AARS2: variants seen among roughly 807,000 people sequenced by gnomAD.
AARS2 encodes the protein alanine--tRNA ligase, mitochondrial.
Under a neutral mutation model 119.7 loss-of-function variants are expected in AARS2, and 78 were observed. That is an observed-to-expected ratio of 0.65 (90% CI 0.54 to 0.79). AARS2 has a LOEUF of 0.79. AARS2 is among the 30% of genes least tolerant of loss of function. The pLI, the probability that AARS2 is intolerant of heterozygous loss-of-function variation, is 0.00. For missense variants in AARS2, 1,157 were observed against 1,291.3 expected, an observed-to-expected ratio of 0.90 and a Z score of 1.59; for synonymous variants, 502 against 526.3, an observed-to-expected ratio of 0.95 and a Z score of 0.63.
Position 44,305,138 on chromosome 6 carries a change from G to A in AARS2, c.1495C>T (p.Leu499Phe), listed in dbSNP as rs1226959180. ...ACTCCTTGGCGCTGCAGCTCCCCAAGCGCATGGACATCAAGCCACAATCCC... is the reference window on the plus strand; with the variant it reads ...ACTCCTTGGCGCTGCAGCTCCCCAAACGCATGGACATCAAGCCACAATCCC... ...KQGLWLDVHA[L>F]GELQRQGVPP... Residue 499 changes from leucine (L) to phenylalanine (F), a missense_variant, in exon 11 of 22, where the codon CTT becomes TTT. Physicochemically the swap from Leu to Phe is conservative, Grantham distance 22 (BLOSUM62 0). Transcript: ENST00000244571. The surrounding 1 kb of genome is among the most constrained non-coding windows in gnomAD (Gnocchi z 4.6). The A allele has an allele frequency of 1.2e-6, 2 of 1,613,876 alleles. No homozygotes were observed. The highest frequency in any genetic ancestry group is 2.2e-5 in the South Asian group (2 of 91,080).
At chr6:44,304,599 G>A in intron 12 of AARS2, 46 bp downstream of exon 12, 2 of 1,614,146 alleles carry the variant, frequency 1.2e-6, no homozygotes, top group Non-Finnish European at 1.7e-6. Context: ...CTCAGGCTTG[G>A]GTCTGCCGCC....
chr6:44,306,817 G>C lies in AARS2; in HGVS notation c.1149+106C>G, dbSNP rs1341914685. The C allele has an allele frequency of 2.8e-6, 3 of 1,052,992 alleles. No homozygotes were observed. The African/African-American group carries it at 4.7e-5, about 17-fold the overall frequency. The allele number at this position is 1,052,992 out of a possible 1,614,324, so 65.2% of individuals were successfully genotyped here. A position where few individuals can be genotyped will look rare whatever the true frequency, so the allele number is the denominator to read the frequency against. The stretch of plus-strand genomic sequence containing the variant: ...ATAGGATGCTGGGCTCGATATTTAG[G>C]GTGGGGACCTCTGGGCACCCAGGCT... On this transcript the variant is annotated intron_variant, in intron 7 of 21. Coordinates refer to ENST00000244571, the MANE Select transcript of AARS2 (RefSeq NM_020745.4).
intron 14 of AARS2, 131 bp from the exon 15 acceptor site, chr6:44,303,554 G>A: frequency 7.2e-7 from 1 of 1,388,816 alleles, no homozygotes; most frequent in African/African-American, 1.4e-5. Context: ...CACATAATAG[G>A]TGCTCAATAA....
chr6:44,302,622 A>G (rs1416920473), intron 17 of AARS2, 109 bp from the exon 18 acceptor site: 1 of 1,573,642 alleles, frequency 6.4e-7, no homozygotes, highest in Non-Finnish European at 8.7e-7. Flanking sequence ...AGGACCAATC[A>G]AGGCACCAGC....
Position 44,307,218 on chromosome 6 carries a change from C to A in AARS2, c.1040+31G>T. 6.2e-7 allele frequency: 1 copy of A among 1,613,776 alleles called. No homozygotes were observed. The highest frequency in any genetic ancestry group is 1.1e-5 in the South Asian group (1 of 91,032). ...CCTCCACCTGAGACCCCCAGCAGCC[C>A]CTGTCCTCTCTGTAGCCCTTCCAGA... On this transcript the variant is annotated intron_variant, in intron 6 of 21. Coordinates refer to ENST00000244571, the MANE Select transcript of AARS2 (RefSeq NM_020745.4). This position sits in a 1 kb window ranked among gnomAD's most constrained non-coding sequence, Gnocchi z 4.4.
Position 44,312,274 on chromosome 6 carries a change from A to C in AARS2, c.244-11T>G. On this transcript the variant is annotated splice_polypyrimidine_tract_variant and intron_variant, in intron 1 of 21. Coordinates refer to ENST00000244571, the MANE Select transcript of AARS2 (RefSeq NM_020745.4). ...AAAGATTGGCTTGAACTGGAAGCAC[A>C]TAGAGTGGGGAGGGGGAGAGGGATA... 1 of 1,613,066 alleles carries C rather than the reference A, an allele frequency of 6.2e-7. No homozygotes were observed. Among genetic ancestry groups the C allele is most frequent in the Non-Finnish European group, 8.5e-7 (1 of 1,179,120 alleles).
At chr6:44,310,526 G>T (rs1483171635) in intron 4 of AARS2, 83 bp from the exon 5 acceptor site, 7 of 1,572,836 alleles carry the variant, frequency 4.5e-6, no homozygotes, top group Non-Finnish European at 6.1e-6. Flanking sequence ...AGAGAAATGG[G>T]GGGGGGCCCA....
chr6:44,303,398 C>T lies in AARS2; in HGVS notation c.2033G>A (p.Arg678Gln), dbSNP rs150973108. The T allele has an allele frequency of 6.6e-4, 1,067 of 1,613,950 alleles. 7 individuals carry two copies. The African/African-American group carries it at 0.011, about 17-fold the overall frequency. ...CTCCTGCACAGTGTTCTCCACTGCCCGGAGCTGCTCTGGGGTCAATGGGGT... is the reference window on the plus strand; with the variant it reads ...CTCCTGCACAGTGTTCTCCACTGCCTGGAGCTGCTCTGGGGTCAATGGGGT... ...TQTPLTPEQL[R>Q]AVENTVQEAV... Residue 678 changes from arginine to glutamine, a missense_variant, in exon 15 of 22, where the codon CGG becomes CAG. By Grantham distance (43) the Arg-to-Gln change is conservative. Coordinates refer to ENST00000244571, the MANE Select transcript of AARS2 (RefSeq NM_020745.4).
At chr6:44,301,609 G>A in intron 19 of AARS2, 145 bp from the exon 20 acceptor site, 2 of 804,284 alleles carry the variant, frequency 2.5e-6, no homozygotes, top group East Asian at 5.3e-5. Flanking sequence ...AGAGGTGGCA[G>A]GGACTCTGCC....
rs1785798369 is a variant in AARS2, at chr6:44,305,851, T to G, written c.1301-65A>C. 6.3e-7 allele frequency: 1 copy of G among 1,599,616 alleles called. No individual in the cohort carries two copies. Among genetic ancestry groups the G allele is most frequent in the Admixed American group, 1.7e-5 (1 of 59,854 alleles). ...GATTAGACAAAGAAGGGGAGAAAAA[T>G]AAGGTCCAGGGCCCTTCTAACCACG... On this transcript the variant is annotated intron_variant, in intron 9 of 21. Coordinates refer to ENST00000244571, the MANE Select transcript of AARS2 (RefSeq NM_020745.4). This position sits in a 1 kb window ranked among gnomAD's most constrained non-coding sequence, Gnocchi z 4.6.
chr6:44,302,446 C>T lies in AARS2; in HGVS notation c.2432G>A (p.Ser811Asn), dbSNP rs550871520. 1 of 1,614,174 alleles carries T rather than the reference C, an allele frequency of 6.2e-7. No individual in the cohort carries two copies. The highest frequency in any genetic ancestry group is 1.3e-5 in the African/African-American group (1 of 75,050). Residue 811 changes from serine to asparagine, a missense_variant, in exon 18 of 22, where the codon AGC becomes AAC. By Grantham distance (46) the Ser-to-Asn change is conservative. Coordinates refer to ENST00000244571, the MANE Select transcript of AARS2 (RefSeq NM_020745.4). Reference protein sequence around the residue: ...KAATERLSLGSRDVAEALRLS... With the variant: ...KAATERLSLGNRDVAEALRLS... ...CCTCAGTGCCTCCGCCACATCCCGG[C>T]TCCCCAGACTCAGCCGCTCAGTGGC...
Position 44,305,872 on chromosome 6 carries a change from CCACG to C in AARS2, c.1301-90_1301-87del. The C allele has an allele frequency of 6.5e-7, 1 of 1,533,872 alleles. No homozygotes were observed. The highest frequency in any genetic ancestry group is 9.0e-7 in the Non-Finnish European group (1 of 1,110,838). On this transcript the variant is annotated intron_variant, in intron 9 of 21. Coordinates refer to ENST00000244571, the MANE Select transcript of AARS2 (RefSeq NM_020745.4). This position sits in a 1 kb window ranked among gnomAD's most constrained non-coding sequence, Gnocchi z 4.6. The stretch of plus-strand genomic sequence containing the variant: ...AAAATAAGGTCCAGGGCCCTTCTAA[CCACG>C]CAGAAGCCACCAGATGCCAAACACA...
At position 44,302,164 on chromosome 6, in the gene AARS2, C is replaced by T; in HGVS notation, c.2494G>A (p.Glu832Lys). 1.2e-6 allele frequency: 2 copies of T among 1,614,072 alleles called. No homozygotes were observed. Among genetic ancestry groups the T allele is most frequent in the Non-Finnish European group, 1.7e-6 (2 of 1,180,044 alleles). The change falls in exon 19 of 22, where the codon GAA becomes AAA. Residue 832 changes from glutamate (E) to lysine (K), a missense_variant. By Grantham distance (56) the Glu-to-Lys change is moderately conservative. Coordinates refer to ENST00000244571, the MANE Select transcript of AARS2 (RefSeq NM_020745.4). ...TGCCACTGGGGCATCACAGCAGTTTCCACAGCCTATGGCCAGAAGCAGTAC... is the reference window on the plus strand; with the variant it reads ...TGCCACTGGGGCATCACAGCAGTTTTCACAGCCTATGGCCAGAAGCAGTAC... The part of the protein sequence containing the change: ...KDIGRLIEAV[E>K]TAVMPQWQRR...
intron 14 of AARS2, 111 bp downstream of exon 14, chr6:44,304,070 G>T: frequency 6.6e-7 from 1 of 1,506,062 alleles, no homozygotes; most frequent in Non-Finnish European, 9.1e-7. Context: ...TGATTGGGTG[G>T]CCGTGCTGGG....
In AARS2 at chr6:44,304,454, C is replaced by G. The variant is rs150402972; in HGVS notation, c.1832G>C (p.Arg611Pro). ...ATGCAGCTGCACCTGGTCCCCTAAC[C>G]GCAGGCACTCAGGGGCTACTGCCTC... ...LHEAVAPECL[R>P]LGDQVQLHVD... is the part of the protein sequence containing the mutation. Residue 611 changes from arginine (R) to proline (P), a missense_variant, in exon 13 of 22, where the codon CGG becomes CCG. By Grantham distance (103) the Arg-to-Pro change is moderately radical. Coordinates refer to ENST00000244571, the MANE Select transcript of AARS2 (RefSeq NM_020745.4). The G allele has an allele frequency of 6.2e-7, 1 of 1,614,182 alleles. No individual in the cohort carries two copies. The highest frequency in any genetic ancestry group is 2.2e-5 in the East Asian group (1 of 44,888).
intron 7 of AARS2, 137 bp from the exon 8 acceptor site, chr6:44,306,669 G>A: frequency 2.7e-6 from 3 of 1,128,874 alleles, no homozygotes; most frequent in Non-Finnish European, 4.0e-6. Flanking sequence ...CTCAAATGGG[G>A]AACTGGTTTC....
Position 44,305,850 on chromosome 6 carries a change from A to AT in AARS2, c.1301-65dup. On this transcript the variant is annotated intron_variant, in intron 9 of 21. Coordinates refer to ENST00000244571, the MANE Select transcript of AARS2 (RefSeq NM_020745.4). This position sits in a 1 kb window ranked among gnomAD's most constrained non-coding sequence, Gnocchi z 4.6. ...GGATTAGACAAAGAAGGGGAGAAAA[A>AT]TAAGGTCCAGGGCCCTTCTAACCAC... 6.2e-7 allele frequency: 1 copy of AT among 1,601,386 alleles called. No individual in the cohort carries two copies. The highest frequency in any genetic ancestry group is 8.6e-7 in the Non-Finnish European group (1 of 1,169,018).
In AARS2 at chr6:44,305,968, G is replaced by C. The variant is rs1785809198; in HGVS notation, c.1301-182C>G. Among the ~76,000 whole-genome samples the C allele has an allele frequency of 6.6e-6, 1 of 152,206 alleles. No individual in the cohort carries two copies. The highest frequency in any genetic ancestry group is 2.1e-4 in the South Asian group (1 of 4,836). On this transcript the variant is annotated intron_variant, in intron 9 of 21. Transcript: ENST00000244571. The surrounding 1 kb of genome is among the most constrained non-coding windows in gnomAD (Gnocchi z 4.6). ...ATTCAGGCTTCATGCCTCAAGGCCAGAGCTGGGGGTAGTCCAGGGTACTCC... is the reference window on the plus strand; with the variant it reads ...ATTCAGGCTTCATGCCTCAAGGCCACAGCTGGGGGTAGTCCAGGGTACTCC...
chr6:44,300,985 G>A, intron 21 of AARS2, 171 bp downstream of exon 21: 1 of 736,304 alleles, frequency 1.4e-6, no homozygotes, highest in Non-Finnish European at 2.2e-6. Context: ...CTGGGGTGGG[G>A]AGGGGCTGTT....
Sources: gnomAD v4.1 joint callset for allele counts (sites outside exome capture counted in the v4.1 genomes callset) on GRCh38, gnomAD v4.1.1 for gene constraint, Gnocchi (gnomAD v3.1) non-coding constraint, MANE v1.5 for transcripts, NCBI Gene and HGNC (gene_info 2026-07-23, HGNC 2026-07-21) for gene names.